Variants in CLIP4 observed in about 807,000 individuals in gnomAD.
CLIP4 encodes CAP-Gly domain-containing linker protein 4.
In CLIP4, 47 loss-of-function variants were observed where a neutral mutation model predicts 73.1. The ratio of observed to expected loss-of-function variants is 0.64; its 90% CI spans 0.51 to 0.82. The LOEUF (loss-of-function observed/expected upper bound fraction) is 0.82. Ranked by LOEUF, CLIP4 falls within the 40% of genes least tolerant of loss-of-function variation. The pLI is 0.00. For synonymous variants in CLIP4, 306 were observed against 295.4 expected (o/e 1.04, Z -0.37); for missense variants, 874 against 852.9 (o/e 1.02, Z -0.31).
At chr2:29,167,564 C>T (rs1355963947) in intron 14 of CLIP4, 24 bp downstream of exon 14, 1 of 1,536,868 alleles carries the variant, frequency 6.5e-7, no homozygotes, top group Admixed American at 2.0e-5. Flanking sequence ...GTTTTGTGTT[C>T]CTAATCAATA....
intron 15 of CLIP4, among the ~76,000 whole-genome samples, chr2:29,175,824 T>C (rs554740429): frequency 1.8e-4 from 28 of 152,182 alleles, no homozygotes; most frequent in African/African-American, 6.3e-4. Context: ...TGCAGTGGCG[T>C]GATCTCGGCT....
In CLIP4 at chr2:29,124,223, A is replaced by G. The variant is rs551246327; in HGVS notation, c.133+2702A>G. Among the ~76,000 whole-genome samples the G allele has an allele frequency of 1.2e-4, 19 of 152,236 alleles. No homozygotes were observed. The South Asian group carries it at 3.9e-3, about 32-fold the overall frequency. On this transcript the variant is annotated intron_variant, in intron 2 of 15. Coordinates refer to ENST00000320081, the MANE Select transcript of CLIP4 (RefSeq NM_024692.6). ...TTTCAGCTGTTTTATGTCTGAAAAC[A>G]TCTTTATTTACCTTATTTTTTTGAA...
In CLIP4 at chr2:29,167,536, T is replaced by C. The variant is rs748283214; in HGVS notation, c.1719T>C (p.Tyr573=). ...CTTCAAATAAACAGAACCATTCTTA[T>C]CCTGGTAAGACTACACAGTTTTGTG... ...EISSNKQNHS[Y]PGFRRSFSTT... is the part of the protein sequence containing the mutation. Residue 573 remains tyrosine, a synonymous_variant, in exon 14 of 16, where the codon TAT becomes TAC. Coordinates refer to ENST00000320081, the MANE Select transcript of CLIP4 (RefSeq NM_024692.6). 8.7e-6 allele frequency: 14 copies of C among 1,603,162 alleles called. No individual in the cohort carries two copies. Among genetic ancestry groups the C allele is most frequent in the Admixed American group, 1.7e-5 (1 of 58,624 alleles).
chr2:29,167,340 T>C, intron 13 of CLIP4, 136 bp from the exon 14 acceptor site: 1 of 478,368 alleles, frequency 2.1e-6, no homozygotes, highest in Admixed American at 4.0e-5. Context: ...GGAAGTTCAT[T>C]CCTGGCTTAA....
At chr2:29,141,256 T>A (rs552220428) in intron 6 of CLIP4, among the ~76,000 whole-genome samples, 1 of 152,318 alleles carries the variant, frequency 6.6e-6, no homozygotes, top group African/African-American at 2.4e-5. Flanking sequence ...TGGTCAATCT[T>A]TGAGTATGTT....
rs74699546 is a variant in CLIP4, at chr2:29,133,441, T to A, written c.368-214T>A. On this transcript the variant is annotated intron_variant, in intron 4 of 15. Coordinates refer to ENST00000320081, the MANE Select transcript of CLIP4 (RefSeq NM_024692.6). The stretch of plus-strand genomic sequence containing the variant: ...GGATTTTTTAGAATTATATTAACAA[T>A]AAGAGTGCAGTGATGAGCATCTTTG... 4.7e-3 allele frequency among the ~76,000 whole-genome samples: 719 copies of A among 152,320 alleles called. 10 individuals carry two copies. Among genetic ancestry groups the A allele is most frequent in the African/African-American group, 0.016 (677 of 41,562 alleles).
rs1396336662 is a variant in CLIP4, at chr2:29,115,631, CA to C, written c.-49del. On this transcript the variant is annotated 5_prime_UTR_variant, in exon 1 of 16. Coordinates refer to ENST00000320081, the MANE Select transcript of CLIP4 (RefSeq NM_024692.6). This position sits in a 1 kb window ranked among gnomAD's most constrained non-coding sequence, Gnocchi z 5.1. ...CCTTTCCTCCGCGCCCCCGCGTCCC[CA>C]GCCGGCCGCTCCGAGAGGACCCGGA... is the stretch of plus-strand genomic sequence containing the variant. 2 of 147,496 alleles carry C rather than the reference CA, an allele frequency of 1.4e-5. No individual in the cohort carries two copies. Among genetic ancestry groups the C allele is most frequent in the African/African-American group, 4.9e-5 (2 of 40,962 alleles). The allele number at this position is 147,496 out of a possible 1,614,324, so 9.1% of individuals were successfully genotyped here.
At chr2:29,146,941 C>T (rs191457601) in intron 8 of CLIP4, among the ~76,000 whole-genome samples, 31 of 152,270 alleles carry the variant, frequency 2.0e-4, no homozygotes, top group Non-Finnish European at 3.5e-4. Context: ...AACTAGTTTC[C>T]TTTCATCACA....
intron 6 of CLIP4, among the ~76,000 whole-genome samples, chr2:29,138,034 T>C (rs555479193): frequency 6.6e-6 from 1 of 152,154 alleles, no homozygotes; most frequent in Admixed American, 6.5e-5. Flanking sequence ...ACAATTTTTG[T>C]TTTTGTTGCC....
intron 8 of CLIP4, among the ~76,000 whole-genome samples, chr2:29,150,957 TC>T (rs1666523744): frequency 6.6e-6 from 1 of 152,152 alleles, no homozygotes; most frequent in Admixed American, 6.6e-5. Context: ...TTCTACATAA[TC>T]TTTATTGTCT....
At chr2:29,109,570 A>C (rs1668329609) in intron 1 of CLIP4, among the ~76,000 whole-genome samples, 1 of 152,180 alleles carries the variant, frequency 6.6e-6, no homozygotes, top group South Asian at 2.1e-4. Context: ...TGTTAACTAT[A>C]GTTATCCTAC....
chr2:29,118,995 G>T (rs139099931), intron 1 of CLIP4, among the ~76,000 whole-genome samples: 210 of 152,290 alleles, frequency 1.4e-3, no homozygotes, highest in African/African-American at 4.7e-3. Flanking sequence ...TTGCTTTTAG[G>T]AAATGAATCT....
In CLIP4 at chr2:29,148,753, A is replaced by G. The variant is rs115709326; in HGVS notation, c.1021+3386A>G. Among the ~76,000 whole-genome samples the G allele has an allele frequency of 6.2e-3, 938 of 152,324 alleles. 11 individuals carry two copies. The highest frequency in any genetic ancestry group is 0.021 in the African/African-American group (883 of 41,570). On this transcript the variant is annotated intron_variant, in intron 8 of 15. Coordinates refer to ENST00000320081, the MANE Select transcript of CLIP4 (RefSeq NM_024692.6). ...TATGAAGAGAGAGATTTAGTTCTCT[A>G]CATGAGACAACAAAGTATTACCTTA...
At chr2:29,112,930 G>T (rs1315906768), upstream of CLIP4, among the ~76,000 whole-genome samples, 2 of 152,194 alleles carry the variant, frequency 1.3e-5, no homozygotes, top group African/African-American at 4.8e-5. Flanking sequence ...CATGGTCGGG[G>T]TCCTGAGAGC....
At chr2:29,147,165 G>T (rs567854428) in intron 8 of CLIP4, among the ~76,000 whole-genome samples, 66 of 152,136 alleles carry the variant, frequency 4.3e-4, no homozygotes, top group African/African-American at 1.6e-3. Flanking sequence ...TTTGACAGAT[G>T]AAAATTTCTA....
At chr2:29,098,868 A>G (rs1013586689) in intron 1 of CLIP4, among the ~76,000 whole-genome samples, 1 of 152,194 alleles carries the variant, frequency 6.6e-6, no homozygotes, top group Admixed American at 6.5e-5. Flanking sequence ...CCTCACCAGC[A>G]TTTGGTGGTG....
At chr2:29,152,250 C>G (rs570414067) in intron 8 of CLIP4, among the ~76,000 whole-genome samples, 9 of 152,222 alleles carry the variant, frequency 5.9e-5, no homozygotes, top group Middle Eastern at 3.4e-3. Context: ...GATTTTTATG[C>G]TCTATGGCTC....
chr2:29,182,802 A>C lies in CLIP4; in HGVS notation c.*909A>C, dbSNP rs1197392418. The C allele has an allele frequency of 6.5e-6, 1 of 152,672 alleles. No homozygotes were observed. The highest frequency in any genetic ancestry group is 1.5e-5 in the Non-Finnish European group (1 of 68,042). 9.5% of individuals were successfully genotyped at this position (152,672 alleles called of 1,614,324 possible). A position where few individuals can be genotyped will look rare whatever the true frequency, so the allele number is the denominator to read the frequency against. ...ACAAAGCACTTTTCAAACATGATGC[A>C]CTTTTATCTTTGTGAATAATTTACT... On this transcript the variant is annotated 3_prime_UTR_variant, in exon 16 of 16. Transcript: ENST00000320081.
chr2:29,149,911 T>C (rs1326082387), intron 8 of CLIP4, among the ~76,000 whole-genome samples: 1 of 152,142 alleles, frequency 6.6e-6, no homozygotes, highest in Non-Finnish European at 1.5e-5. Flanking sequence ...AGTAAAGGTG[T>C]CAGTAGTCAT....
Sources: gnomAD v4.1 joint callset for allele counts (sites outside exome capture counted in the v4.1 genomes callset) on GRCh38, gnomAD v4.1.1 for gene constraint, Gnocchi (gnomAD v3.1) non-coding constraint, MANE v1.5 for transcripts, NCBI Gene and HGNC (gene_info 2026-07-23, HGNC 2026-07-21) for gene names.